Variants in PPP2R5D observed in about 807,000 individuals in gnomAD.
PPP2R5D encodes the protein protein phosphatase 2 regulatory subunit B'delta.
In PPP2R5D, 12 loss-of-function variants were observed where a neutral mutation model predicts 79.1. The ratio of observed to expected loss-of-function variants is 0.15; its 90% confidence interval spans 0.10 to 0.25. PPP2R5D has a LOEUF of 0.25. Among genes scored for constraint, PPP2R5D ranks in the 10% least tolerant of loss-of-function variants. The pLI is 1.00. For missense variants in PPP2R5D, 419 were observed against 760.2 expected (o/e 0.55, Z 5.28); for synonymous variants, 277 against 286.6 (o/e 0.97, Z 0.34).
chr6:42,992,392 C>T (rs566745500), intron 2 of PPP2R5D, among the ~76,000 whole-genome samples: 1 of 152,170 alleles, frequency 6.6e-6, no homozygotes, highest in African/African-American at 2.4e-5. Context: ...ATTTTGGGCT[C>T]TTCTAGCCAG....
At chr6:43,003,834 ACGCC>A (rs1445860948) in intron 2 of PPP2R5D, among the ~76,000 whole-genome samples, 1 of 149,338 alleles carries the variant, frequency 6.7e-6, no homozygotes, top group African/African-American at 2.5e-5. Flanking sequence ...TCCCGGGTTC[ACGCC>A]ATTCTCCTGC....
At chr6:42,987,514 A>G (rs1361205447) in intron 1 of PPP2R5D, among the ~76,000 whole-genome samples, 2 of 152,168 alleles carry the variant, frequency 1.3e-5, no homozygotes, top group Non-Finnish European at 2.9e-5. Flanking sequence ...CATCTAATAG[A>G]TGAGGAAACT....
Position 43,007,513 on chromosome 6 carries a change from C to A in PPP2R5D, c.726+7C>A. Reference sequence around the variant, plus strand: ...CCAGAAGTTTGTACTTGCTGTGAGTCCCCGAGTTCCTGTCCTTGCCCTCTC... The same window carrying A: ...CCAGAAGTTTGTACTTGCTGTGAGTACCCGAGTTCCTGTCCTTGCCCTCTC... On this transcript the variant is annotated splice_region_variant and intron_variant, in intron 6 of 15. Transcript: ENST00000485511. The surrounding 1 kb of genome is among the most constrained non-coding windows in gnomAD (Gnocchi z 4.5). 6.3e-7 allele frequency: 1 copy of A among 1,595,446 alleles called. No homozygotes were observed. Among genetic ancestry groups the A allele is most frequent in the Non-Finnish European group, 8.6e-7 (1 of 1,162,998 alleles).
In PPP2R5D at chr6:43,004,779, A is replaced by G. The variant is rs575390000; in HGVS notation, c.106-1684A>G. Reference sequence around the variant, plus strand: ...CTTTTCTTTTTTTTTTTTTTGAGGCAGAGTCTCACTCTGTCATCCAGGCTG... The same window carrying G: ...CTTTTCTTTTTTTTTTTTTTGAGGCGGAGTCTCACTCTGTCATCCAGGCTG... On this transcript the variant is annotated intron_variant, in intron 2 of 15. Coordinates refer to ENST00000485511, the MANE Select transcript of PPP2R5D (RefSeq NM_006245.4). 1.1e-4 allele frequency among the ~76,000 whole-genome samples: 17 copies of G among 148,606 alleles called. No homozygotes were observed. The South Asian group carries it at 3.6e-3, about 32-fold the overall frequency.
chr6:42,997,556 C>G (rs1311160379), intron 2 of PPP2R5D, among the ~76,000 whole-genome samples: 9 of 151,812 alleles, frequency 5.9e-5, no homozygotes, highest in African/African-American at 2.2e-4. Context: ...GTTGCCCAGG[C>G]TGGAGTACAA....
rs571603728 is a variant in PPP2R5D at position 42,986,066 on chromosome 6, C to A, written c.27+1362C>A. Among the ~76,000 whole-genome samples the A allele has an allele frequency of 1.2e-4, 18 of 152,240 alleles. 1 individual carries two copies. The highest frequency in any genetic ancestry group is 1.1e-3 in the Admixed American group (17 of 15,290). ...TGCTGGGATTACAGGTGTGAGCCAC[C>A]GTGCCTGGCCCACAGGCCAGTTCTT... On this transcript the variant is annotated intron_variant, in intron 1 of 15. Transcript: ENST00000485511.
At chr6:42,993,117 T>G (rs888033006) in intron 2 of PPP2R5D, among the ~76,000 whole-genome samples, 5 of 151,908 alleles carry the variant, frequency 3.3e-5, no homozygotes, top group Non-Finnish European at 7.4e-5. Flanking sequence ...ACCAACATAG[T>G]GAAACCCTGT....
At chr6:42,997,185 A>C (rs1481213675) in intron 2 of PPP2R5D, among the ~76,000 whole-genome samples, 1 of 148,264 alleles carries the variant, frequency 6.7e-6, no homozygotes, top group African/African-American at 2.5e-5. Flanking sequence ...TATTTATTTT[A>C]TTTATTTTTA....
intron 2 of PPP2R5D, among the ~76,000 whole-genome samples, chr6:42,997,442 T>G (rs895960423): frequency 2.0e-5 from 3 of 152,160 alleles, no homozygotes; most frequent in African/African-American, 7.2e-5. Context: ...TCTGCCCACC[T>G]CAGCCTCCCA....
chr6:42,985,067 C>A (rs1214917021), intron 1 of PPP2R5D, among the ~76,000 whole-genome samples: 4 of 151,244 alleles, frequency 2.6e-5, no homozygotes, highest in Admixed American at 1.3e-4. Context: ...GTTTGGGCAG[C>A]CCCTCATCTG....
At chr6:43,000,255 T>TTTTTTTTTTA (rs1772088181) in intron 2 of PPP2R5D, among the ~76,000 whole-genome samples, 1 of 147,694 alleles carries the variant, frequency 6.8e-6, no homozygotes, top group African/African-American at 2.5e-5. Context: ...TTTTTTTTTT[T>TTTTTTTTTTA]GAGATAGAGT....
intron 1 of PPP2R5D, among the ~76,000 whole-genome samples, chr6:42,985,406 G>A (rs1006310244): frequency 2.6e-5 from 4 of 152,198 alleles, no homozygotes; most frequent in African/African-American, 9.6e-5. Flanking sequence ...CTGAGGCCCC[G>A]ACAGGGCAAG....
chr6:42,992,306 G>T (rs545070623), intron 2 of PPP2R5D, among the ~76,000 whole-genome samples: 8 of 152,134 alleles, frequency 5.3e-5, no homozygotes, highest in Admixed American at 2.0e-4. Flanking sequence ...TGATCCACCC[G>T]CCTCGGCCTC....
intron 1 of PPP2R5D, among the ~76,000 whole-genome samples, chr6:42,986,662 C>T (rs1770877752): frequency 6.6e-6 from 1 of 151,972 alleles, no homozygotes; most frequent in Non-Finnish European, 1.5e-5. Context: ...AGAAATCAGC[C>T]ACAACAGGGG....
intron 1 of PPP2R5D, among the ~76,000 whole-genome samples, chr6:42,985,775 C>CTTTTTTT (rs945324833): frequency 8.5e-6 from 1 of 118,292 alleles, no homozygotes; most frequent in African/African-American, 3.3e-5. Flanking sequence ...CAGGCCATTT[C>CTTTTTTT]TTTTTTTTTT....
chr6:43,001,380 C>T (rs1772194719), intron 2 of PPP2R5D, among the ~76,000 whole-genome samples: 1 of 152,080 alleles, frequency 6.6e-6, no homozygotes, highest in African/African-American at 2.4e-5. Context: ...CTCAGGTGAT[C>T]CACCTGCCTC....
At chr6:43,001,700 T>C (rs1463288030) in intron 2 of PPP2R5D, among the ~76,000 whole-genome samples, 1 of 151,786 alleles carries the variant, frequency 6.6e-6, no homozygotes, top group Non-Finnish European at 1.5e-5. Context: ...CTGGCTAACA[T>C]GGTGAAATTC....
In PPP2R5D at chr6:43,007,624, G is replaced by A. The variant is rs1177282494; in HGVS notation, c.726+118G>A. 5 of 1,061,188 alleles carry A rather than the reference G, an allele frequency of 4.7e-6. No homozygotes were observed. The highest frequency in any genetic ancestry group is 7.1e-6 in the Non-Finnish European group (5 of 703,958). 65.7% of individuals were successfully genotyped at this position (1,061,188 alleles called of 1,614,324 possible). On this transcript the variant is annotated intron_variant, in intron 6 of 15. Coordinates refer to ENST00000485511, the MANE Select transcript of PPP2R5D (RefSeq NM_006245.4). This position sits in a 1 kb window ranked among gnomAD's most constrained non-coding sequence, Gnocchi z 4.5. ...ATTGGGTTTCATCCATGTCTGGTAC[G>A]AGGAGGCTATAAAGGGTAAAAAACA...
intron 1 of PPP2R5D, among the ~76,000 whole-genome samples, chr6:42,988,041 G>A (rs371667729): frequency 5.1e-4 from 77 of 152,136 alleles, no homozygotes; most frequent in African/African-American, 1.5e-3. Context: ...CAGCAGGAGC[G>A]TGCTCAGGCC....
Sources: allele counts gnomAD v4.1 joint callset (sites outside exome capture counted in the v4.1 genomes callset), GRCh38; gene constraint gnomAD v4.1.1; non-coding constraint Gnocchi (gnomAD v3.1); transcripts MANE v1.5; gene names NCBI Gene and HGNC (gene_info 2026-07-23, HGNC 2026-07-21).